Variants in FAM167A observed in about 807,000 individuals in gnomAD.
FAM167A encodes the protein protein FAM167A.
A neutral mutation model predicts 14.9 loss-of-function variants in FAM167A; 23 were observed. That is an observed-to-expected ratio of 1.55 (90% CI 1.11 to 2.19). The LOEUF is 2.19. Ranked by LOEUF, FAM167A falls within the 30% of genes most tolerant of loss-of-function variation. The probability of loss-of-function intolerance (pLI) is 0.00; values close to 1 mark genes in which losing one functional copy is unlikely to be tolerated. For missense variants in FAM167A, 401 were observed against 281.5 expected, an observed-to-expected ratio of 1.42 and a Z score of -3.04; for synonymous variants, 174 against 117.7, an observed-to-expected ratio of 1.48 and a Z score of -3.10.
intron 2 of FAM167A, among the ~76,000 whole-genome samples, chr8:11,426,180 G>C (rs1222397661): frequency 6.6e-6 from 1 of 152,088 alleles, no homozygotes; most frequent in Non-Finnish European, 1.5e-5. Flanking sequence ...AAATATCTTT[G>C]AATCTACCTA....
chr8:11,466,955 A>G (rs2618431), upstream of FAM167A, among the ~76,000 whole-genome samples: 130,847 of 151,880 alleles, frequency 0.86, 56,695 homozygotes, highest in African/African-American at 0.93. Flanking sequence ...GAGAGGAACT[A>G]CATGCCTTCG....
rs370977636 is a variant in FAM167A, at chr8:11,444,362, G to T, written c.50C>A (p.Ala17Glu). ...GTCATCGGGTGGTGCGGCTGCTCCCGCCCCCTCTTCTGCACCCACTTCTTC... is the reference window on the plus strand; with the variant it reads ...GTCATCGGGTGGTGCGGCTGCTCCCTCCCCCTCTTCTGCACCCACTTCTTC... Reference protein sequence around the residue: ...HVEEVGAEEGAGAAAPPDDHL... With the variant: ...HVEEVGAEEGEGAAAPPDDHL... Residue 17 changes from alanine to glutamate, a missense_variant, in exon 2 of 3, where the codon GCG (alanine) becomes GAG (glutamate). Coordinates refer to ENST00000284486, the MANE Select transcript of FAM167A (RefSeq NM_053279.3). 37 of 1,592,036 alleles carry T rather than the reference G, an allele frequency of 2.3e-5. No homozygotes were observed. In the South Asian group the frequency reaches 3.5e-4, roughly 15 times the overall value.
intron 1 of FAM167A, among the ~76,000 whole-genome samples, chr8:11,456,553 TG>T (rs1051208957): frequency 4.0e-5 from 6 of 148,774 alleles, no homozygotes; most frequent in African/African-American, 9.9e-5. Flanking sequence ...AGTGTGAGTG[TG>T]GGGGGTGGTT....
chr8:11,450,381 C>A (rs1806974725), intron 1 of FAM167A, among the ~76,000 whole-genome samples: 1 of 152,244 alleles, frequency 6.6e-6, no homozygotes, highest in African/African-American at 2.4e-5. Flanking sequence ...TTAATCCTCA[C>A]AACAGCCCTA....
intron 1 of FAM167A, among the ~76,000 whole-genome samples, chr8:11,460,925 G>A (rs2117145921): frequency 6.6e-6 from 1 of 152,352 alleles, no homozygotes; most frequent in Non-Finnish European, 1.5e-5. Context: ...TCAAAGTGCT[G>A]GGTCCATGCT....
chr8:11,424,749 T>G (rs951596015), intron 2 of FAM167A, 113 bp from the exon 3 acceptor site: 1 of 1,408,796 alleles, frequency 7.1e-7, no homozygotes, highest in African/African-American at 1.4e-5. Context: ...GTGGTCCATC[T>G]AGAAATATTA....
chr8:11,438,122 G>A, intron 2 of FAM167A: 2 of 456,660 alleles, frequency 4.4e-6, no homozygotes, highest in Non-Finnish European at 8.8e-6. Context: ...GGCCAGTGGA[G>A]GCCGGTAGTG....
Position 11,444,458 on chromosome 8 carries a change from C to T in FAM167A, c.-47G>A, listed in dbSNP as rs373205406. 2.1e-5 allele frequency: 32 copies of T among 1,506,936 alleles called. No homozygotes were observed. The African/African-American group carries it at 4.2e-4, about 20-fold the overall frequency. 93.3% of individuals were successfully genotyped at this position (1,506,936 alleles called of 1,614,324 possible). On this transcript the variant is annotated 5_prime_UTR_variant, in exon 2 of 3. Transcript: ENST00000284486. ...CGGACATGCGAGGGCACGGGGGGCGCAGGGGGAGGCTTGGTGGGTGGCACA... is the reference window on the plus strand; with the variant it reads ...CGGACATGCGAGGGCACGGGGGGCGTAGGGGGAGGCTTGGTGGGTGGCACA...
chr8:11,435,688 CCTTCT>C (rs1411294635), intron 2 of FAM167A, among the ~76,000 whole-genome samples: 3 of 152,194 alleles, frequency 2.0e-5, no homozygotes, highest in Non-Finnish European at 4.4e-5. Context: ...GGTTCAAAGT[CCTTCT>C]CTTCAACTTG....
chr8:11,440,707 C>A (rs933548048), intron 2 of FAM167A, among the ~76,000 whole-genome samples: 2 of 152,216 alleles, frequency 1.3e-5, no homozygotes, highest in Non-Finnish European at 1.5e-5. Flanking sequence ...GATTTCTAAT[C>A]GATTTCCTTG....
intron 2 of FAM167A, among the ~76,000 whole-genome samples, chr8:11,438,848 A>T (rs1806237699): frequency 6.6e-6 from 1 of 152,224 alleles, no homozygotes; most frequent in Non-Finnish European, 1.5e-5. Flanking sequence ...CTTGTGAACC[A>T]AATCCCCGCT....
At chr8:11,456,563 T>C (rs904523824) in intron 1 of FAM167A, among the ~76,000 whole-genome samples, 2 of 151,414 alleles carry the variant, frequency 1.3e-5, no homozygotes, top group African/African-American at 4.9e-5. Flanking sequence ...TGGGGGGTGG[T>C]TGCATTGCTG....
intron 1 of FAM167A, 130 bp from the exon 2 acceptor site, chr8:11,444,938 C>T (rs777437311): frequency 6.6e-5 from 52 of 783,704 alleles, no homozygotes; most frequent in African/African-American, 3.4e-4. Context: ...ATGGCTAGTC[C>T]GGGACGGAAG....
intron 2 of FAM167A, among the ~76,000 whole-genome samples, chr8:11,430,016 C>T (rs1369177788): frequency 6.6e-6 from 1 of 152,200 alleles, no homozygotes. Flanking sequence ...CCAGCAAGGA[C>T]CTCCCAGTTT....
chr8:11,438,051 A>C (rs1354539188), intron 2 of FAM167A: 1 of 403,908 alleles, frequency 2.5e-6, no homozygotes, highest in Middle Eastern at 3.5e-4. Context: ...GAAACTTCAC[A>C]AAGACAGGAG....
Position 11,444,351 on chromosome 8 carries a change from CG to C in FAM167A, c.60del (p.Ala21HisfsTer10), listed in dbSNP as rs1563376333. ...EVGAEEGAGA[A>X]APPDDHLRSL... ...CTCCGGAGGTGGTCATCGGGTGGTG[CG>C]GCTGCTCCCGCCCCCTCTTCTGCAC... On this transcript the variant is annotated frameshift_variant, in exon 2 of 3. Transcript: ENST00000284486. LOFTEE classifies it high-confidence loss of function. 6.3e-7 allele frequency: 1 copy of C among 1,599,732 alleles called. No homozygotes were observed.
intron 2 of FAM167A, chr8:11,434,954 T>C: frequency 2.2e-6 from 1 of 446,594 alleles, no homozygotes; most frequent in Non-Finnish European, 4.5e-6. Flanking sequence ...GAGGACAGCA[T>C]CACTGGCACC....
intron 2 of FAM167A, among the ~76,000 whole-genome samples, chr8:11,438,852 C>G (rs1806237810): frequency 6.6e-6 from 1 of 152,206 alleles, no homozygotes; most frequent in Admixed American, 6.5e-5. Context: ...TGAACCAAAT[C>G]CCCGCTCAGC....
At chr8:11,438,644 T>A (rs985716876) in intron 2 of FAM167A, 1 of 402,368 alleles carries the variant, frequency 2.5e-6, no homozygotes, top group Non-Finnish European at 4.8e-6. Flanking sequence ...ATAAAGATCA[T>A]CAAGTTTTGG....
Sources: gnomAD v4.1 joint callset for allele counts (sites outside exome capture counted in the v4.1 genomes callset) on GRCh38, gnomAD v4.1.1 for gene constraint, MANE v1.5 for transcripts, NCBI Gene and HGNC (gene_info 2026-07-23, HGNC 2026-07-21) for gene names.